STAB2: variants seen among roughly 807,000 people sequenced by gnomAD.
The protein encoded by STAB2 is stabilin-2.
A neutral mutation model predicts 338.1 loss-of-function variants in STAB2; 288 were observed. The observed-to-expected ratio is 0.85, with a 90% confidence interval of 0.77 to 0.94. The LOEUF is 0.94. Among genes scored for constraint, STAB2 ranks in the 40% least tolerant of loss-of-function variants. The probability of loss-of-function intolerance (pLI) is 0.00; values close to 1 mark genes in which losing one functional copy is unlikely to be tolerated. For synonymous variants in STAB2, 1,202 were observed against 1,193.3 expected, an observed-to-expected ratio of 1.01 and a Z score of -0.15; for missense variants, 3,141 against 3,210.1, an observed-to-expected ratio of 0.98 and a Z score of 0.52.
intron 43 of STAB2, 94 bp downstream of exon 43, chr12:103,715,982 C>G: frequency 7.9e-7 from 1 of 1,260,712 alleles, no homozygotes; most frequent in Non-Finnish European, 1.1e-6. Context: ...GAGAACGGAC[C>G]TCTAAAGAGC....
intron 42 of STAB2, among the ~76,000 whole-genome samples, chr12:103,714,257 T>G (rs1343269196): frequency 1.3e-5 from 2 of 152,238 alleles, no homozygotes; most frequent in East Asian, 1.9e-4. Context: ...TCTAACATTA[T>G]TTAAATATCC....
At chr12:103,691,410 C>A (rs866651397) in intron 30 of STAB2, among the ~76,000 whole-genome samples, 1 of 152,124 alleles carries the variant, frequency 6.6e-6, no homozygotes, top group African/African-American at 2.4e-5. Context: ...TTTTAGAAAG[C>A]AGAAAACAGT....
intron 30 of STAB2, among the ~76,000 whole-genome samples, chr12:103,691,178 C>T (rs1010256190): frequency 3.9e-5 from 6 of 152,268 alleles, no homozygotes; most frequent in Admixed American, 2.6e-4. Flanking sequence ...CCCTGCTGCA[C>T]GGGCAGTGTT....
chr12:103,708,421 C>T lies in STAB2; in HGVS notation c.4193-20C>T. 6.2e-7 allele frequency: 1 copy of T among 1,610,798 alleles called. No homozygotes were observed. Among genetic ancestry groups the T allele is most frequent in the Non-Finnish European group, 8.5e-7 (1 of 1,177,120 alleles). On this transcript the variant is annotated intron_variant, in intron 38 of 68. Coordinates refer to ENST00000388887, the MANE Select transcript of STAB2 (RefSeq NM_017564.10). ...ACATGGGTTAGAATCTGACGATTTGCAGGTGATTTTCCCACTTAGCATGTT... is the reference window on the plus strand; with the variant it reads ...ACATGGGTTAGAATCTGACGATTTGTAGGTGATTTTCCCACTTAGCATGTT...
Position 103,739,407 on chromosome 12 carries a change from A to G in STAB2, c.5698-5A>G, listed in dbSNP as rs1882395666. The G allele has an allele frequency of 1.3e-6, 2 of 1,580,990 alleles. No homozygotes were observed. The highest frequency in any genetic ancestry group is 1.7e-6 in the Non-Finnish European group (2 of 1,164,776). The stretch of plus-strand genomic sequence containing the variant: ...TTTTCAAGTGTTTCTTTTCTTGCAT[A>G]CTAGGGGGAGTGTGGGAGCTGTGTC... On this transcript the variant is annotated splice_region_variant and splice_polypyrimidine_tract_variant and intron_variant, in intron 53 of 68. Transcript: ENST00000388887.
intron 15 of STAB2, among the ~76,000 whole-genome samples, chr12:103,660,086 A>G (rs1874479257): frequency 6.6e-6 from 1 of 152,106 alleles, no homozygotes; most frequent in African/African-American, 2.4e-5. Flanking sequence ...AGGAGTCCCC[A>G]CCTCACACGG....
intron 6 of STAB2, among the ~76,000 whole-genome samples, chr12:103,632,675 CT>C (rs1259108880): frequency 6.6e-6 from 1 of 152,140 alleles, no homozygotes; most frequent in Non-Finnish European, 1.5e-5. Flanking sequence ...CAGAGCATCC[CT>C]GAACAGACCC....
chr12:103,686,575 G>T (rs1877452267), intron 27 of STAB2, among the ~76,000 whole-genome samples: 1 of 152,092 alleles, frequency 6.6e-6, no homozygotes, highest in South Asian at 2.1e-4. Flanking sequence ...CATGATTATG[G>T]CTCACTGCAG....
At chr12:103,706,667 A>G in intron 37 of STAB2, 125 bp from the exon 38 acceptor site, 4 of 1,304,770 alleles carry the variant, frequency 3.1e-6, no homozygotes, top group South Asian at 1.4e-5. Context: ...CCCACCCCTC[A>G]CCCACTCCAT....
chr12:103,596,766 C>T (rs955756447), intron 3 of STAB2, among the ~76,000 whole-genome samples: 4 of 151,974 alleles, frequency 2.6e-5, no homozygotes, highest in Middle Eastern at 3.4e-3. Flanking sequence ...ATGTGCAGAC[C>T]AATGAGGCAA....
Position 103,712,353 on chromosome 12 carries a change from C to T in STAB2, c.4335-14C>T. 5 of 1,610,588 alleles carry T rather than the reference C, an allele frequency of 3.1e-6. No individual in the cohort carries two copies. Among genetic ancestry groups the T allele is most frequent in the Non-Finnish European group, 4.2e-6 (5 of 1,176,706 alleles). On this transcript the variant is annotated splice_polypyrimidine_tract_variant and intron_variant, in intron 40 of 68. Transcript: ENST00000388887. The stretch of plus-strand genomic sequence containing the variant: ...TATTTTTCTACAAACCCCATTTGTC[C>T]TTCCTTGTTGCAGCTGCCTCACCAA...
chr12:103,733,104 A>G lies in STAB2; in HGVS notation c.5382A>G (p.Gln1794=). 3.7e-6 allele frequency: 6 copies of G among 1,614,132 alleles called. No individual in the cohort carries two copies. The highest frequency in any genetic ancestry group is 4.2e-6 in the Non-Finnish European group (5 of 1,180,014). Reference sequence around the variant, plus strand: ...CCCTCCATGCCCTACCTGCTGAACAACAGGACTTCCTGTTCAACCAAGACA... The same window carrying G: ...CCCTCCATGCCCTACCTGCTGAACAGCAGGACTTCCTGTTCAACCAAGACA... ...DQALHALPAE[Q]QDFLFNQDNK... is the part of the protein sequence containing the mutation. The change falls in exon 51 of 69, where the codon CAA becomes CAG. Residue 1794 remains glutamine (Q), a synonymous_variant. Coordinates refer to ENST00000388887, the MANE Select transcript of STAB2 (RefSeq NM_017564.10).
intron 21 of STAB2, among the ~76,000 whole-genome samples, chr12:103,670,048 CTT>C (rs1875602330): frequency 6.6e-6 from 1 of 152,210 alleles, no homozygotes; most frequent in South Asian, 2.1e-4. Context: ...ACAGCCGAAA[CTT>C]AACTCATCTA....
At chr12:103,765,977 C>A in intron 68 of STAB2, 1 of 482,350 alleles carries the variant, frequency 2.1e-6, no homozygotes, top group South Asian at 1.8e-5. Flanking sequence ...TAAATGTAGG[C>A]TCTAATTTAA....
intron 2 of STAB2, among the ~76,000 whole-genome samples, chr12:103,591,251 G>A (rs999127702): frequency 3.3e-5 from 5 of 152,116 alleles, no homozygotes; most frequent in East Asian, 3.9e-4. Context: ...CTGGGAGGCC[G>A]AGATGGGAGT....
chr12:103,666,625 AT>A, intron 19 of STAB2, among the ~76,000 whole-genome samples: 1 of 152,354 alleles, frequency 6.6e-6, no homozygotes, highest in Non-Finnish European at 1.5e-5. Context: ...ATAGATAAAA[AT>A]TGAAGCACAA....
intron 35 of STAB2, among the ~76,000 whole-genome samples, chr12:103,703,898 A>C (rs556334110): frequency 3.5e-4 from 54 of 152,224 alleles, no homozygotes; most frequent in Admixed American, 7.2e-4. Context: ...AGTAGGTACT[A>C]TTACTATCCC....
chr12:103,697,726 A>C (rs1392303210), intron 33 of STAB2, among the ~76,000 whole-genome samples: 3 of 152,266 alleles, frequency 2.0e-5, no homozygotes, highest in Non-Finnish European at 4.4e-5. Context: ...TGTTTATTGG[A>C]TATAAAGCTG....
At position 103,638,199 on chromosome 12, in the gene STAB2, A is replaced by T; in HGVS notation, c.893A>T (p.Asp298Val). The T allele has an allele frequency of 6.2e-7, 1 of 1,614,118 alleles. No homozygotes were observed. The highest frequency in any genetic ancestry group is 8.5e-7 in the Non-Finnish European group (1 of 1,179,976). Residue 298 changes from aspartate to valine, a missense_variant, in exon 8 of 69, where the codon GAT (aspartate) becomes GTT (valine). By Grantham distance (152) the Asp-to-Val change is radical. Coordinates refer to ENST00000388887, the MANE Select transcript of STAB2 (RefSeq NM_017564.10). ...ACAAAGTCTACAGTGTGCAAATATG[A>T]TGGGCCTGGACAGGTGAGCAAATGA... ...CPTKSTVCKY[D>V]GPGQSHCECK...
Sources: gnomAD v4.1 joint callset for allele counts (sites outside exome capture counted in the v4.1 genomes callset) on GRCh38, gnomAD v4.1.1 for gene constraint, MANE v1.5 for transcripts, NCBI Gene and HGNC (gene_info 2026-07-23, HGNC 2026-07-21) for gene names.